Variants in C5orf46 observed in about 807,000 individuals in gnomAD.
The protein encoded by C5orf46 is chromosome 5 open reading frame 46.
C5orf46 carries 9 observed loss-of-function variants against 8.9 expected under a neutral mutation model. The ratio of observed to expected loss-of-function variants is 1.01; its 90% CI spans 0.61 to 1.76. C5orf46 has a LOEUF of 1.76. Among genes scored for constraint, C5orf46 ranks in the 40% most tolerant of loss-of-function variants. C5orf46 has a pLI of 0.00. For synonymous variants in C5orf46, 47 were observed against 41.4 expected, an observed-to-expected ratio of 1.14 and a Z score of -0.52; for missense variants, 98 against 107.8, an observed-to-expected ratio of 0.91 and a Z score of 0.40.
intron 1 of C5orf46, among the ~76,000 whole-genome samples, chr5:147,905,867 C>A (rs112656883): frequency 2.0e-5 from 3 of 152,284 alleles, no homozygotes; most frequent in African/African-American, 7.2e-5. Flanking sequence ...CTATGAGAAC[C>A]AAATGAGATT....
At chr5:147,898,457 G>GAATTTGACCA (rs1175892482) in intron 2 of C5orf46, among the ~76,000 whole-genome samples, 2 of 152,002 alleles carry the variant, frequency 1.3e-5, no homozygotes, top group East Asian at 1.9e-4. Flanking sequence ...GATGGGCTTG[G>GAATTTGACCA]GTTTAGACCA....
rs1366820043 is a variant in C5orf46 at position 147,898,600 on chromosome 5, A to G, written c.216-1559T>C. On this transcript the variant is annotated intron_variant, in intron 2 of 3. Coordinates refer to ENST00000318315, the MANE Select transcript of C5orf46 (RefSeq NM_206966.3). Reference sequence around the variant, plus strand: ...TCATTAGATTATAGGCAGTGTTCCCAATGTGTAAACTGCAATGTGAAGAAC... The same window carrying G: ...TCATTAGATTATAGGCAGTGTTCCCGATGTGTAAACTGCAATGTGAAGAAC... 2.0e-5 allele frequency among the ~76,000 whole-genome samples: 3 copies of G among 152,278 alleles called. No individual in the cohort carries two copies. In the East Asian group the frequency reaches 5.8e-4, roughly 29 times the overall value.
At chr5:147,894,779 C>T (rs941787957) in intron 3 of C5orf46, among the ~76,000 whole-genome samples, 2 of 150,706 alleles carry the variant, frequency 1.3e-5, no homozygotes, top group Admixed American at 6.6e-5. Flanking sequence ...AGGGAGGGAT[C>T]GGCCGGGAAT....
intron 3 of C5orf46, among the ~76,000 whole-genome samples, chr5:147,896,001 C>A (rs1038378510): frequency 2.5e-4 from 38 of 152,112 alleles, no homozygotes; most frequent in Admixed American, 6.5e-4. Flanking sequence ...CATTTCCAGA[C>A]CAGATCACAA....
At chr5:147,888,623 CAT>C (rs1290645696), downstream of C5orf46, among the ~76,000 whole-genome samples, 5 of 152,196 alleles carry the variant, frequency 3.3e-5, no homozygotes, top group Non-Finnish European at 7.4e-5. Context: ...GATCTCAGCA[CAT>C]GTCTCCCTTC....
chr5:147,897,306 T>C (rs1757597494), intron 2 of C5orf46, among the ~76,000 whole-genome samples: 2 of 152,220 alleles, frequency 1.3e-5, no homozygotes, highest in Admixed American at 1.3e-4. Flanking sequence ...TTTTGGTATA[T>C]TTTTCCAGTA....
intron 2 of C5orf46, among the ~76,000 whole-genome samples, chr5:147,900,927 A>T (rs1031401377): frequency 2.0e-5 from 3 of 152,242 alleles, no homozygotes; most frequent in Non-Finnish European, 4.4e-5. Flanking sequence ...GTAGGCAAAA[A>T]TAATATGTAT....
At chr5:147,902,642 T>C (rs10035311) in intron 1 of C5orf46, among the ~76,000 whole-genome samples, 35,579 of 152,016 alleles carry the variant, frequency 0.23, 7,110 homozygotes, top group African/African-American at 0.55. Context: ...GAAAGTCACA[T>C]AGTTAGTAAG....
intron 3 of C5orf46, among the ~76,000 whole-genome samples, chr5:147,894,357 T>C (rs1367196151): frequency 2.0e-5 from 3 of 152,196 alleles, no homozygotes; most frequent in Non-Finnish European, 4.4e-5. Flanking sequence ...ATTGAAAATA[T>C]TAAAGCCAGT....
At chr5:147,890,397 T>G (rs184211919), downstream of C5orf46, among the ~76,000 whole-genome samples, 51 of 152,116 alleles carry the variant, frequency 3.4e-4, no homozygotes, top group African/African-American at 9.9e-4. Context: ...CCAGAAACAT[T>G]GAACAAAAAA....
intron 3 of C5orf46, among the ~76,000 whole-genome samples, chr5:147,893,285 T>TC (rs1288402399): frequency 6.7e-6 from 1 of 149,410 alleles, no homozygotes; most frequent in Non-Finnish European, 1.5e-5. Flanking sequence ...ATAAATCTTT[T>TC]TTTTTTTTTT....
intron 1 of C5orf46, 80 bp downstream of exon 1, chr5:147,906,352 G>A (rs181195186): frequency 3.6e-5 from 32 of 896,030 alleles, no homozygotes; most frequent in Admixed American, 1.7e-4. Context: ...TTTCTTTTAT[G>A]TTCTGAATCA....
At chr5:147,904,081 A>C (rs1287917828) in intron 1 of C5orf46, among the ~76,000 whole-genome samples, 2 of 149,876 alleles carry the variant, frequency 1.3e-5, no homozygotes, top group Admixed American at 1.3e-4. Flanking sequence ...TTATGCTAAG[A>C]GTCAAGGTAA....
chr5:147,892,101 G>C (rs182654120), downstream of C5orf46, among the ~76,000 whole-genome samples: 19 of 152,322 alleles, frequency 1.2e-4, no homozygotes, highest in Non-Finnish European at 2.5e-4. Flanking sequence ...CTGGCATCTT[G>C]CTCTATAATA....
intron 2 of C5orf46, chr5:147,886,438 T>C (rs1165507272): frequency 1.3e-5 from 2 of 150,432 alleles, no homozygotes; most frequent in Non-Finnish European, 3.0e-5. Context: ...CATCAGAATA[T>C]AGAAATATAT....
intron 1 of C5orf46, among the ~76,000 whole-genome samples, chr5:147,903,215 AT>A (rs1458232742): frequency 6.6e-6 from 1 of 152,204 alleles, no homozygotes; most frequent in African/African-American, 2.4e-5. Context: ...TTTTAATTGT[AT>A]TGTACCCTGA....
chr5:147,905,400 G>A (rs1435738060), intron 1 of C5orf46, among the ~76,000 whole-genome samples: 2 of 152,180 alleles, frequency 1.3e-5, no homozygotes, highest in African/African-American at 2.4e-5. Flanking sequence ...GGTGGTGCCT[G>A]GTCTTGGTAT....
intron 2 of C5orf46, among the ~76,000 whole-genome samples, chr5:147,899,195 A>G (rs1457704554): frequency 6.6e-6 from 1 of 152,150 alleles, no homozygotes; most frequent in African/African-American, 2.4e-5. Context: ...TATTTATGGC[A>G]TTGTGCATTG....
downstream of C5orf46, among the ~76,000 whole-genome samples, chr5:147,892,003 T>C (rs1295750364): frequency 1.3e-5 from 2 of 152,202 alleles, no homozygotes; most frequent in African/African-American, 4.8e-5. Context: ...AGAGTTTATG[T>C]GTTTGGGAAG....
Sources: gnomAD v4.1 joint callset for allele counts (sites outside exome capture counted in the v4.1 genomes callset) on GRCh38, gnomAD v4.1.1 for gene constraint, MANE v1.5 for transcripts, NCBI Gene and HGNC (gene_info 2026-07-23, HGNC 2026-07-21) for gene names.